ARID5B: variants seen among roughly 807,000 people sequenced by gnomAD.
ARID5B encodes the protein AT-rich interactive domain-containing protein 5B.
In ARID5B, 13 loss-of-function variants were observed where a neutral mutation model predicts 97.2. That is an observed-to-expected ratio of 0.13 (90% CI 0.09 to 0.21). The LOEUF is 0.21. ARID5B is among the 10% of genes least tolerant of loss of function. The pLI is 1.00. For synonymous variants in ARID5B, 556 were observed against 570.3 expected (o/e 0.97, Z 0.36); for missense variants, 1,210 against 1,465.3 (o/e 0.83, Z 2.84).
At chr10:61,968,882 T>C (rs1589239466) in intron 3 of ARID5B, among the ~76,000 whole-genome samples, 2 of 152,226 alleles carry the variant, frequency 1.3e-5, no homozygotes, top group African/African-American at 4.8e-5. Context: ...CTTCTATTTA[T>C]AGGCTCCATA....
intron 2 of ARID5B, among the ~76,000 whole-genome samples, chr10:61,911,523 T>C (rs1383033880): frequency 6.6e-6 from 1 of 152,242 alleles, no homozygotes; most frequent in South Asian, 2.1e-4. Context: ...TTCTGGGAAA[T>C]ACATAATTGA....
At chr10:61,918,167 C>A (rs1023430645) in intron 2 of ARID5B, among the ~76,000 whole-genome samples, 7 of 152,180 alleles carry the variant, frequency 4.6e-5, no homozygotes, top group Non-Finnish European at 1.0e-4. Flanking sequence ...AATCTGAAGG[C>A]GGTGCTGCTG....
At chr10:61,915,177 G>T (rs997232969) in intron 2 of ARID5B, among the ~76,000 whole-genome samples, 1 of 152,186 alleles carries the variant, frequency 6.6e-6, no homozygotes, top group Non-Finnish European at 1.5e-5. Context: ...TCACAGGAGA[G>T]AAGTCTCAGA....
At chr10:62,045,022 A>G (rs1404127950) in intron 4 of ARID5B, among the ~76,000 whole-genome samples, 1 of 152,246 alleles carries the variant, frequency 6.6e-6, no homozygotes, top group East Asian at 1.9e-4. Context: ...AATGGTCACT[A>G]TATGAAATAT....
chr10:61,965,721 A>G (rs1227868013), intron 3 of ARID5B, among the ~76,000 whole-genome samples: 1 of 152,218 alleles, frequency 6.6e-6, no homozygotes, highest in Non-Finnish European at 1.5e-5. Context: ...ATGTCAGTAG[A>G]ACACTGGCCA....
chr10:61,909,689 C>T (rs1411831315), intron 2 of ARID5B, among the ~76,000 whole-genome samples: 1 of 152,134 alleles, frequency 6.6e-6, no homozygotes, highest in Admixed American at 6.5e-5. Flanking sequence ...CACAGTCTAC[C>T]TTTTTTAAGC....
chr10:62,069,113 T>TA (rs1250795945), intron 7 of ARID5B, among the ~76,000 whole-genome samples: 2 of 152,236 alleles, frequency 1.3e-5, no homozygotes, highest in Non-Finnish European at 2.9e-5. Flanking sequence ...GGCATAAAAA[T>TA]ATAGCCTGAA....
chr10:61,958,117 G>T (rs1838417201), intron 3 of ARID5B, among the ~76,000 whole-genome samples: 1 of 152,194 alleles, frequency 6.6e-6, no homozygotes, highest in Non-Finnish European at 1.5e-5. Flanking sequence ...TATGTTATAA[G>T]GTAGAGTCTA....
intron 3 of ARID5B, among the ~76,000 whole-genome samples, chr10:61,967,785 AG>A (rs1357303882): frequency 1.3e-5 from 2 of 152,338 alleles, no homozygotes; most frequent in East Asian, 3.9e-4. Flanking sequence ...CATTTACAAC[AG>A]AAAATATAAT....
chr10:61,980,291 T>C (rs1340311473), intron 3 of ARID5B, among the ~76,000 whole-genome samples: 1 of 152,196 alleles, frequency 6.6e-6, no homozygotes, highest in Non-Finnish European at 1.5e-5. Context: ...ACAGTGACTC[T>C]GTCATTTTAC....
intron 9 of ARID5B, among the ~76,000 whole-genome samples, chr10:62,087,459 C>G (rs187655076): frequency 6.6e-6 from 1 of 151,594 alleles, no homozygotes; most frequent in Admixed American, 6.6e-5. Context: ...CCATTACCCC[C>G]AGCATGTAGC....
At chr10:61,960,494 C>G (rs1838456173) in intron 3 of ARID5B, among the ~76,000 whole-genome samples, 1 of 152,114 alleles carries the variant, frequency 6.6e-6, no homozygotes, top group African/African-American at 2.4e-5. Flanking sequence ...CAGTCTCCTG[C>G]TCACTTATAA....
At chr10:62,027,351 C>T (rs1839435503) in intron 4 of ARID5B, among the ~76,000 whole-genome samples, 1 of 115,738 alleles carries the variant, frequency 8.6e-6, no homozygotes, top group South Asian at 3.1e-4. Flanking sequence ...CTCTGTCGCT[C>T]AGGCTGGAGT....
At chr10:62,066,066 G>A (rs943251475) in intron 7 of ARID5B, among the ~76,000 whole-genome samples, 1 of 151,990 alleles carries the variant, frequency 6.6e-6, no homozygotes, top group Non-Finnish European at 1.5e-5. Flanking sequence ...TATTCCAGAT[G>A]GAATTTTAAA....
intron 3 of ARID5B, among the ~76,000 whole-genome samples, chr10:61,977,320 G>A (rs1447712537): frequency 6.6e-6 from 1 of 152,178 alleles, no homozygotes; most frequent in African/African-American, 2.4e-5. Context: ...ATAAACATAC[G>A]TGTGTATGTG....
chr10:61,936,219 T>C, intron 2 of ARID5B, among the ~76,000 whole-genome samples: 1 of 152,252 alleles, frequency 6.6e-6, no homozygotes, highest in Admixed American at 6.5e-5. Context: ...TTGGCCCTTT[T>C]TTAAAACTTG....
At chr10:62,038,780 T>C (rs1839596998) in intron 4 of ARID5B, among the ~76,000 whole-genome samples, 1 of 152,208 alleles carries the variant, frequency 6.6e-6, no homozygotes, top group Admixed American at 6.5e-5. Flanking sequence ...GTAAACTCTT[T>C]TGTTAGTTTC....
intron 3 of ARID5B, among the ~76,000 whole-genome samples, chr10:61,999,326 A>C (rs79999561): frequency 0.023 from 3,543 of 152,286 alleles, 127 homozygotes; most frequent in African/African-American, 0.08. Context: ...CCAACAAACC[A>C]ATTGTAAGCT....
chr10:61,974,923 C>T (rs1038268944), intron 3 of ARID5B, among the ~76,000 whole-genome samples: 7 of 150,344 alleles, frequency 4.7e-5, no homozygotes, highest in East Asian at 1.9e-4. Flanking sequence ...CCTGGGGTCT[C>T]GGGGGCAGAT....
Sources: gnomAD v4.1 joint callset for allele counts (sites outside exome capture counted in the v4.1 genomes callset) on GRCh38, gnomAD v4.1.1 for gene constraint, MANE v1.5 for transcripts, NCBI Gene and HGNC (gene_info 2026-07-23, HGNC 2026-07-21) for gene names.